The following LDAH variants were observed in gnomAD, a reference collection of about 807,000 sequenced individuals.
The protein encoded by LDAH is lipid droplet associated hydrolase.
In LDAH, 26 loss-of-function variants were observed where a neutral mutation model predicts 29.6. The ratio of observed to expected loss-of-function variants is 0.88; its 90% confidence interval spans 0.64 to 1.22. The LOEUF (loss-of-function observed/expected upper bound fraction) is 1.22. Ranked by LOEUF, LDAH falls within the 50% of genes most tolerant of loss-of-function variation. LDAH has a pLI of 0.00. For synonymous variants in LDAH, 117 were observed against 133.0 expected (o/e 0.88, Z 0.83); for missense variants, 344 against 387.3 (o/e 0.89, Z 0.94).
At position 20,737,145 on chromosome 2, in the gene LDAH, A is replaced by G. The variant is rs573734947; in HGVS notation, c.703+2826T>C. ...GGGTTGCTGGCTCCAAATCTAGGAT[A>G]TATGTGGTAAAAAGAAAACCCAGAG... On this transcript the variant is annotated intron_variant, in intron 5 of 6. Transcript: ENST00000237822. Among the ~76,000 whole-genome samples the G allele has an allele frequency of 1.4e-3, 211 of 152,238 alleles. 2 individuals are homozygous for G. The highest frequency in any genetic ancestry group is 5.0e-3 in the African/African-American group (209 of 41,546).
chr2:20,732,362 A>G (rs1157949073), intron 5 of LDAH, among the ~76,000 whole-genome samples: 1 of 151,480 alleles, frequency 6.6e-6, no homozygotes, highest in Non-Finnish European at 1.5e-5. Context: ...TTTTTGTATT[A>G]TTTTTCTCTG....
chr2:20,777,518 G>A (rs904811057), intron 3 of LDAH, among the ~76,000 whole-genome samples: 11 of 152,118 alleles, frequency 7.2e-5, no homozygotes, highest in Admixed American at 2.0e-4. Context: ...TCCGCCTCCC[G>A]GGTTCAAGCA....
At chr2:20,699,864 T>C (rs1663787543) in intron 6 of LDAH, among the ~76,000 whole-genome samples, 1 of 152,226 alleles carries the variant, frequency 6.6e-6, no homozygotes, top group Non-Finnish European at 1.5e-5. Context: ...TGGATTTCAC[T>C]TGGGACAGGA....
intron 4 of LDAH, among the ~76,000 whole-genome samples, chr2:20,760,744 A>G (rs895393437): frequency 6.6e-6 from 1 of 152,172 alleles, no homozygotes; most frequent in African/African-American, 2.4e-5. Context: ...TGGGAGAGAG[A>G]CTTCTGCAAG....
At chr2:20,791,278 C>G (rs1670929796) in intron 2 of LDAH, among the ~76,000 whole-genome samples, 2 of 152,342 alleles carry the variant, frequency 1.3e-5, no homozygotes, top group Middle Eastern at 6.8e-3. Flanking sequence ...CACTTACCAA[C>G]TGTGTGAGCT....
intron 5 of LDAH, among the ~76,000 whole-genome samples, chr2:20,736,261 G>T (rs958066269): frequency 2.6e-5 from 4 of 152,106 alleles, no homozygotes; most frequent in Non-Finnish European, 5.9e-5. Context: ...GGCCAATATG[G>T]TGAAACCCCA....
intron 5 of LDAH, among the ~76,000 whole-genome samples, chr2:20,717,914 TAG>T (rs1665340430): frequency 6.6e-6 from 1 of 152,210 alleles, no homozygotes; most frequent in Admixed American, 6.5e-5. Flanking sequence ...AGCCTTCAAT[TAG>T]CTGGGACTAC....
chr2:20,811,309 C>T (rs1297684599), intron 1 of LDAH, among the ~76,000 whole-genome samples: 1 of 151,840 alleles, frequency 6.6e-6, no homozygotes, highest in East Asian at 2.0e-4. Flanking sequence ...TGAGCGGCCG[C>T]GCCCGGACTC....
At chr2:20,695,541 C>T (rs563842628) in intron 6 of LDAH, among the ~76,000 whole-genome samples, 1 of 151,866 alleles carries the variant, frequency 6.6e-6, no homozygotes, top group Non-Finnish European at 1.5e-5. Flanking sequence ...CAACCTCCCC[C>T]TCCTGGGTTC....
chr2:20,743,603 A>T (rs114377804), intron 4 of LDAH, among the ~76,000 whole-genome samples: 4,549 of 152,226 alleles, frequency 0.03, 224 homozygotes, highest in African/African-American at 0.1. Context: ...GAACAAACTT[A>T]TCAGTTAGAT....
At chr2:20,730,403 G>A (rs1272000390) in intron 5 of LDAH, among the ~76,000 whole-genome samples, 3 of 151,984 alleles carry the variant, frequency 2.0e-5, no homozygotes, top group South Asian at 2.1e-4. Flanking sequence ...TTCCAGAGTG[G>A]GTGCACCATT....
At chr2:20,789,716 C>T (rs1157112831) in intron 3 of LDAH, among the ~76,000 whole-genome samples, 1 of 152,170 alleles carries the variant, frequency 6.6e-6, no homozygotes, top group African/African-American at 2.4e-5. Flanking sequence ...TGAAGGTGTG[C>T]GACGGGCGAG....
chr2:20,758,788 C>A (rs1162203217), intron 4 of LDAH, among the ~76,000 whole-genome samples: 1 of 152,008 alleles, frequency 6.6e-6, no homozygotes, highest in Admixed American at 6.6e-5. Flanking sequence ...AACAAAGGCA[C>A]ATAGATAGGA....
chr2:20,733,388 T>C (rs1666545736), intron 5 of LDAH, among the ~76,000 whole-genome samples: 3 of 145,060 alleles, frequency 2.1e-5, no homozygotes, highest in Middle Eastern at 3.5e-3. Flanking sequence ...TATACCTCCA[T>C]GCCTGGCTAT....
chr2:20,706,959 C>T (rs1664350940), intron 5 of LDAH, among the ~76,000 whole-genome samples: 1 of 152,228 alleles, frequency 6.6e-6, no homozygotes, highest in African/African-American at 2.4e-5. Context: ...GCTTTGACAT[C>T]TTGGAGGCCT....
At chr2:20,727,303 T>C (rs1379909806) in intron 5 of LDAH, among the ~76,000 whole-genome samples, 1 of 152,210 alleles carries the variant, frequency 6.6e-6, no homozygotes, top group South Asian at 2.1e-4. Context: ...TAAGGTAACA[T>C]GAGAGTCTGG....
At chr2:20,772,072 C>G (rs767808045) in intron 4 of LDAH, among the ~76,000 whole-genome samples, 26 of 152,338 alleles carry the variant, frequency 1.7e-4, no homozygotes, top group Non-Finnish European at 2.2e-4. Flanking sequence ...CATTCTACTT[C>G]TTTCCCAACA....
In LDAH at chr2:20,789,082, C is replaced by A. The variant is rs1175432957; in HGVS notation, c.298+1173G>T. The A allele has an allele frequency of 2.4e-5, 36 of 1,527,572 alleles. No individual in the cohort carries two copies. In the Middle Eastern group the frequency reaches 6.7e-4, roughly 28 times the overall value. The allele number at this position is 1,527,572 out of a possible 1,614,324, so 94.6% of individuals were successfully genotyped here. On this transcript the variant is annotated intron_variant, in intron 3 of 6. Coordinates refer to ENST00000237822, the MANE Select transcript of LDAH (RefSeq NM_021925.4). Reference sequence around the variant, plus strand: ...CTTGCTCCCTTCTGTGCTACTCTTTCTGTCTGTTGTACCTCTGCACCCACC... The same window carrying A: ...CTTGCTCCCTTCTGTGCTACTCTTTATGTCTGTTGTACCTCTGCACCCACC...
intron 6 of LDAH, among the ~76,000 whole-genome samples, chr2:20,697,318 T>C (rs1663566298): frequency 1.3e-5 from 2 of 152,232 alleles, no homozygotes; most frequent in Admixed American, 1.3e-4. Flanking sequence ...TTCTATCTCC[T>C]AAATCTTTCC....
Sources: allele counts gnomAD v4.1 joint callset (sites outside exome capture counted in the v4.1 genomes callset), GRCh38; gene constraint gnomAD v4.1.1; transcripts MANE v1.5; gene names NCBI Gene and HGNC (gene_info 2026-07-23, HGNC 2026-07-21).